Variants in MRTFA observed in about 807,000 individuals in gnomAD.
The protein encoded by MRTFA is myocardin related transcription factor A.
Under a neutral mutation model 83.5 loss-of-function variants are expected in MRTFA, and 20 were observed. That is an observed-to-expected ratio of 0.24 (90% CI 0.17 to 0.35). The LOEUF is 0.35. Ranked by LOEUF, MRTFA falls within the 10% of genes least tolerant of loss-of-function variation. The pLI, the probability that MRTFA is intolerant of heterozygous loss-of-function variation, is 1.00. For missense variants in MRTFA, 1,200 were observed against 1,224.7 expected, an observed-to-expected ratio of 0.98 and a Z score of 0.30; for synonymous variants, 659 against 541.2, an observed-to-expected ratio of 1.22 and a Z score of -3.02.
At position 40,475,082 on chromosome 22, in the gene MRTFA, G is replaced by A. The variant is rs146487145; in HGVS notation, c.242-11796C>T. On this transcript the variant is annotated intron_variant, in intron 3 of 14. Transcript: ENST00000355630. ...TAGAACTCCTGATTTCAGGTGATCC[G>A]CCTGCCTTGGCCTCCCAACGTGCTG... Among the ~76,000 whole-genome samples the A allele has an allele frequency of 1.1e-4, 17 of 150,180 alleles. No homozygotes were observed. In the East Asian group the frequency reaches 2.9e-3, roughly 26 times the overall value.
At chr22:40,568,062 A>ACT (rs1569332332) in intron 2 of MRTFA, among the ~76,000 whole-genome samples, 2 of 152,224 alleles carry the variant, frequency 1.3e-5, no homozygotes, top group African/African-American at 4.8e-5. Flanking sequence ...CACTCAGAGG[A>ACT]AAGTGTATAT....
At chr22:40,562,783 TG>T (rs1317714950) in intron 2 of MRTFA, among the ~76,000 whole-genome samples, 1 of 75,172 alleles carries the variant, frequency 1.3e-5, no homozygotes, top group Non-Finnish European at 2.7e-5. Context: ...GAGGGAAACA[TG>T]GGGGTGAATA....
At chr22:40,563,402 A>G (rs929664481) in intron 2 of MRTFA, among the ~76,000 whole-genome samples, 8 of 152,102 alleles carry the variant, frequency 5.3e-5, no homozygotes, top group African/African-American at 1.9e-4. Flanking sequence ...CCCAGATACA[A>G]TACTTGAAAT....
Position 40,581,114 on chromosome 22 carries a change from T to G in MRTFA, c.-22+13560A>C, listed in dbSNP as rs182930223. 2.0e-4 allele frequency among the ~76,000 whole-genome samples: 30 copies of G among 152,242 alleles called. No homozygotes were observed. In the East Asian group the frequency reaches 5.8e-3, roughly 29 times the overall value. On this transcript the variant is annotated intron_variant, in intron 2 of 14. Coordinates refer to ENST00000355630, the MANE Select transcript of MRTFA (RefSeq NM_020831.6). ...GGCATGAGCCACCATGCCAAGCCAC[T>G]TGCTTTCTTTTTTTTCAACATAATG...
intron 1 of MRTFA, among the ~76,000 whole-genome samples, chr22:40,624,425 C>CAAAA (rs35882157): frequency 3.2e-5 from 2 of 62,756 alleles, no homozygotes; most frequent in African/African-American, 5.2e-5. Flanking sequence ...GACTCCAACT[C>CAAAA]AAAAAAAAAA....
chr22:40,540,012 C>T (rs1022755502), intron 3 of MRTFA, among the ~76,000 whole-genome samples: 1 of 149,342 alleles, frequency 6.7e-6, no homozygotes, highest in Non-Finnish European at 1.5e-5. Flanking sequence ...CAGGCTCAAA[C>T]GATCCCCCCA....
At chr22:40,513,078 T>G (rs1318426166) in intron 3 of MRTFA, among the ~76,000 whole-genome samples, 1 of 152,190 alleles carries the variant, frequency 6.6e-6, no homozygotes, top group Admixed American at 6.5e-5. Context: ...TTTGTGGCAC[T>G]TTCATCCCAC....
intron 2 of MRTFA, among the ~76,000 whole-genome samples, chr22:40,573,699 T>C (rs910607032): frequency 6.6e-6 from 1 of 151,846 alleles, no homozygotes; most frequent in Non-Finnish European, 1.5e-5. Flanking sequence ...GCCCAGGAAT[T>C]CAAGACCAGA....
intron 2 of MRTFA, among the ~76,000 whole-genome samples, chr22:40,570,371 C>T (rs1266860869): frequency 3.3e-5 from 5 of 151,444 alleles, no homozygotes; most frequent in African/African-American, 4.9e-5. Flanking sequence ...GTCAGGAGAT[C>T]GAGACCATCC....
chr22:40,530,168 C>G (rs2055052966), intron 3 of MRTFA, among the ~76,000 whole-genome samples: 1 of 152,210 alleles, frequency 6.6e-6, no homozygotes, highest in African/African-American at 2.4e-5. Flanking sequence ...CAAAGCCTTA[C>G]ACATTAGCTG....
chr22:40,487,857 A>G (rs1228919799), intron 3 of MRTFA, among the ~76,000 whole-genome samples: 2 of 152,168 alleles, frequency 1.3e-5, no homozygotes, highest in Non-Finnish European at 2.9e-5. Flanking sequence ...ACTGCCCTCT[A>G]GTGCCAGGAA....
At chr22:40,604,916 G>A (rs1414036559) in intron 1 of MRTFA, among the ~76,000 whole-genome samples, 3 of 152,176 alleles carry the variant, frequency 2.0e-5, no homozygotes, top group East Asian at 3.9e-4. Context: ...AATGAGGCAA[G>A]TATGTGGTGC....
chr22:40,472,334 C>T (rs2053928734), intron 3 of MRTFA, among the ~76,000 whole-genome samples: 2 of 152,174 alleles, frequency 1.3e-5, no homozygotes, highest in Admixed American at 1.3e-4. Context: ...TATGCTCCAC[C>T]CATGTTCGTG....
chr22:40,630,562 G>A (rs1330193783), intron 1 of MRTFA, among the ~76,000 whole-genome samples: 1 of 152,138 alleles, frequency 6.6e-6, no homozygotes, highest in Non-Finnish European at 1.5e-5. Flanking sequence ...TCCTAAAGTA[G>A]TAAAATGGAA....
chr22:40,496,560 T>G (rs1420734702), intron 3 of MRTFA, among the ~76,000 whole-genome samples: 2 of 144,332 alleles, frequency 1.4e-5, no homozygotes, highest in Admixed American at 7.1e-5. Context: ...TCCAGCAAGA[T>G]CCATAATAAA....
chr22:40,438,223 C>T (rs969866792), intron 4 of MRTFA, among the ~76,000 whole-genome samples: 11 of 152,130 alleles, frequency 7.2e-5, no homozygotes, highest in Admixed American at 5.9e-4. Context: ...CTCTCAGAAC[C>T]CTTGTAAGGA....
Position 40,475,536 on chromosome 22 carries a change from G to GA in MRTFA, c.242-12251dup, listed in dbSNP as rs901342785. Among the ~76,000 whole-genome samples, 117 of 147,014 alleles carry GA rather than the reference G, an allele frequency of 8.0e-4. No individual in the cohort carries two copies. The Middle Eastern group carries it at 0.01, about 13-fold the overall frequency. ...TGGGCAACAGTGCCAGACTCCGTCT[G>GA]AAAAAAAAAAGTGAATAATTACAAT... is the stretch of plus-strand genomic sequence containing the variant. On this transcript the variant is annotated intron_variant, in intron 3 of 14. Coordinates refer to ENST00000355630, the MANE Select transcript of MRTFA (RefSeq NM_020831.6).
chr22:40,500,972 G>C (rs1219190972), intron 3 of MRTFA, among the ~76,000 whole-genome samples: 5 of 138,002 alleles, frequency 3.6e-5, no homozygotes, highest in African/African-American at 1.4e-4. Context: ...AGGGGCGGCC[G>C]GGCAGAGGCG....
At chr22:40,632,231 G>T (rs796600156) in intron 1 of MRTFA, among the ~76,000 whole-genome samples, 5 of 152,224 alleles carry the variant, frequency 3.3e-5, no homozygotes, top group African/African-American at 1.2e-4. Context: ...CTTGAAAAAG[G>T]ATTCACCAGC....
Sources: gnomAD v4.1 joint callset for allele counts (sites outside exome capture counted in the v4.1 genomes callset) on GRCh38, gnomAD v4.1.1 for gene constraint, MANE v1.5 for transcripts, NCBI Gene and HGNC (gene_info 2026-07-23, HGNC 2026-07-21) for gene names.